Variants in TANC2 observed in about 807,000 individuals in gnomAD.
TANC2 encodes the protein tetratricopeptide repeat, ankyrin repeat and coiled-coil containing 2.
A neutral mutation model predicts 210.5 loss-of-function variants in TANC2; 26 were observed. The ratio of observed to expected loss-of-function variants is 0.12; its 90% CI spans 0.09 to 0.17. The LOEUF (loss-of-function observed/expected upper bound fraction) is 0.17. Ranked by LOEUF, TANC2 falls within the 10% of genes least tolerant of loss-of-function variation. TANC2 has a pLI of 1.00. For synonymous variants in TANC2, 931 were observed against 967.1 expected, an observed-to-expected ratio of 0.96 and a Z score of 0.69; for missense variants, 2,129 against 2,608.9, an observed-to-expected ratio of 0.82 and a Z score of 4.01.
chr17:63,125,571 G>A (rs1326147718), intron 4 of TANC2, among the ~76,000 whole-genome samples: 1 of 152,008 alleles, frequency 6.6e-6, no homozygotes, highest in Non-Finnish European at 1.5e-5. Flanking sequence ...GGATACTGGT[G>A]GTGTCCTCTC....
chr17:63,168,257 G>A (rs1239305588), intron 5 of TANC2, among the ~76,000 whole-genome samples: 1 of 152,190 alleles, frequency 6.6e-6, no homozygotes, highest in African/African-American at 2.4e-5. Context: ...TAGAGGGGAT[G>A]AGGAAGGGTA....
At chr17:63,195,839 A>G (rs1014517932) in intron 6 of TANC2, among the ~76,000 whole-genome samples, 2 of 152,180 alleles carry the variant, frequency 1.3e-5, no homozygotes. Flanking sequence ...GTGGCCCAGA[A>G]GGCTACACCT....
intron 8 of TANC2, among the ~76,000 whole-genome samples, chr17:63,260,057 A>G (rs2043311973): frequency 6.6e-6 from 1 of 152,226 alleles, no homozygotes; most frequent in African/African-American, 2.4e-5. Context: ...AAACAGAATT[A>G]AAAGAAAGTG....
In TANC2 at chr17:63,311,689, A is replaced by G. The variant is rs545688312; in HGVS notation, c.1160-2699A>G. 2.0e-5 allele frequency among the ~76,000 whole-genome samples: 3 copies of G among 152,358 alleles called. No homozygotes were observed. In the South Asian group the frequency reaches 6.2e-4, roughly 32 times the overall value. ...ATGTTCACATAAAAGTTGTACATGAATGTTCATAGCAGCATTAATCAGCCA... is the reference window on the plus strand; with the variant it reads ...ATGTTCACATAAAAGTTGTACATGAGTGTTCATAGCAGCATTAATCAGCCA... On this transcript the variant is annotated intron_variant, in intron 9 of 27. Transcript: ENST00000689528.
intron 4 of TANC2, 40 bp from the exon 5 acceptor site, chr17:63,151,230 C>G (rs1374904374): frequency 1.1e-6 from 1 of 897,174 alleles, no homozygotes; most frequent in Non-Finnish European, 1.3e-6. Flanking sequence ...CTCTTGCTCT[C>G]TCTGTCTCTT....
chr17:63,032,709 C>G (rs2034822285), intron 2 of TANC2, among the ~76,000 whole-genome samples: 1 of 152,158 alleles, frequency 6.6e-6, no homozygotes, highest in Non-Finnish European at 1.5e-5. Flanking sequence ...TATCAGATCA[C>G]TAAAAGAACA....
intron 7 of TANC2, among the ~76,000 whole-genome samples, chr17:63,207,007 T>C (rs993779370): frequency 3.3e-5 from 5 of 152,104 alleles, no homozygotes; most frequent in Non-Finnish European, 7.4e-5. Flanking sequence ...ACCTGTCTTA[T>C]ATGCTAAAGC....
At chr17:63,139,476 A>G (rs572444608) in intron 4 of TANC2, among the ~76,000 whole-genome samples, 4 of 152,250 alleles carry the variant, frequency 2.6e-5, no homozygotes, top group Admixed American at 1.3e-4. Flanking sequence ...AAATACAAAA[A>G]AATTAATCGG....
At chr17:63,061,983 G>A (rs185757591) in intron 2 of TANC2, among the ~76,000 whole-genome samples, 1 of 152,086 alleles carries the variant, frequency 6.6e-6, no homozygotes, top group African/African-American at 2.4e-5. Flanking sequence ...ATTCTGATTT[G>A]TATTGCTCTT....
chr17:63,281,325 A>G (rs1328980911), intron 9 of TANC2, among the ~76,000 whole-genome samples: 1 of 152,130 alleles, frequency 6.6e-6, no homozygotes, highest in Non-Finnish European at 1.5e-5. Context: ...AGAATACTGG[A>G]AAGTTAGCAA....
At position 63,420,821 on chromosome 17, in the gene TANC2, G is replaced by C; in HGVS notation, c.5091G>C (p.Val1697=). Residue 1697 remains valine, a synonymous_variant, in exon 28 of 28, where the codon GTG becomes GTC. Coordinates refer to ENST00000689528, the Ensembl canonical transcript of TANC2. This position sits in a 1 kb window ranked among gnomAD's most constrained non-coding sequence, Gnocchi z 4.2. ...TACAGCCTGCCAAGGCCCAGATTGT[G>C]AGAAGTAACCAGCCCAGCCCAGCCG... 6.2e-7 allele frequency: 1 copy of C among 1,613,986 alleles called. No individual in the cohort carries two copies. The highest frequency in any genetic ancestry group is 8.5e-7 in the Non-Finnish European group (1 of 1,179,884).
intron 2 of TANC2, among the ~76,000 whole-genome samples, chr17:63,023,471 G>A (rs1375638020): frequency 6.6e-6 from 1 of 152,192 alleles, no homozygotes; most frequent in Non-Finnish European, 1.5e-5. Context: ...CTCCCACGTA[G>A]CTGAGACTAC....
intron 9 of TANC2, among the ~76,000 whole-genome samples, chr17:63,271,209 A>G (rs1004896478): frequency 5.3e-5 from 8 of 152,062 alleles, no homozygotes; most frequent in African/African-American, 1.7e-4. Context: ...TGGCCGTTCT[A>G]TTTTTAGATC....
intron 2 of TANC2, among the ~76,000 whole-genome samples, chr17:63,036,845 G>GTTTT (rs542320358): frequency 7.5e-6 from 1 of 133,966 alleles, no homozygotes; most frequent in Non-Finnish European, 1.6e-5. Context: ...TTACATGTAA[G>GTTTT]TTTTTTTTTT....
intron 1 of TANC2, among the ~76,000 whole-genome samples, chr17:63,009,029 A>T (rs2033749478): frequency 6.6e-6 from 1 of 152,122 alleles, no homozygotes; most frequent in Non-Finnish European, 1.5e-5. Context: ...TCTTTTAAGG[A>T]ATTATTTAAA....
At chr17:63,257,179 G>A (rs2043220586) in intron 8 of TANC2, among the ~76,000 whole-genome samples, 1 of 150,812 alleles carries the variant, frequency 6.6e-6, no homozygotes, top group South Asian at 2.1e-4. Flanking sequence ...ACTTACTCCT[G>A]CCATTTTGTT....
chr17:63,103,369 C>G (rs925091558), intron 4 of TANC2, among the ~76,000 whole-genome samples: 1 of 152,142 alleles, frequency 6.6e-6, no homozygotes, highest in Non-Finnish European at 1.5e-5. Context: ...TAAAGACCAG[C>G]TCAAGAATAG....
At chr17:63,061,693 A>G (rs2036004341) in intron 2 of TANC2, among the ~76,000 whole-genome samples, 1 of 152,028 alleles carries the variant, frequency 6.6e-6, no homozygotes, top group South Asian at 2.1e-4. Context: ...CTTGAATTAC[A>G]GTTTTTCTGT....
At chr17:63,261,934 A>T (rs1298734181) in intron 8 of TANC2, among the ~76,000 whole-genome samples, 1 of 152,236 alleles carries the variant, frequency 6.6e-6, no homozygotes, top group Non-Finnish European at 1.5e-5. Flanking sequence ...TGTTTAGATG[A>T]TATAACACTA....
Sources: allele counts gnomAD v4.1 joint callset (sites outside exome capture counted in the v4.1 genomes callset), GRCh38; gene constraint gnomAD v4.1.1; non-coding constraint Gnocchi (gnomAD v3.1); transcripts MANE v1.5; gene names NCBI Gene and HGNC (gene_info 2026-07-23, HGNC 2026-07-21).